Variants in STK33 observed in about 807,000 individuals in gnomAD.
STK33 encodes the protein serine/threonine-protein kinase 33.
Under a neutral mutation model 58.0 loss-of-function variants are expected in STK33, and 52 were observed. That is an observed-to-expected ratio of 0.90 (90% confidence interval 0.72 to 1.13). The LOEUF (loss-of-function observed/expected upper bound fraction) is 1.13. STK33 is among the 50% of genes most tolerant of loss of function. STK33 has a pLI of 0.00. For synonymous variants in STK33, 215 were observed against 200.1 expected (o/e 1.07, Z -0.63); for missense variants, 630 against 604.2 (o/e 1.04, Z -0.45).
the STK33 span, among the ~76,000 whole-genome samples, chr11:8,347,108 T>G: frequency 6.6e-6 from 1 of 152,204 alleles, no homozygotes; most frequent in African/African-American, 2.4e-5. Flanking sequence ...GAATACTCAG[T>G]CTTTCAAAAT....
chr11:8,377,790 C>T, the STK33 span, among the ~76,000 whole-genome samples: 1 of 152,158 alleles, frequency 6.6e-6, no homozygotes, highest in African/African-American at 2.4e-5. Context: ...TCAATGTACA[C>T]AAATCAGTAG....
At chr11:8,576,914 T>C (rs142603559) in intron 1 of STK33, among the ~76,000 whole-genome samples, 1 of 152,164 alleles carries the variant, frequency 6.6e-6, no homozygotes, top group African/African-American at 2.4e-5. Flanking sequence ...AAACCTTGAA[T>C]AAGACATGAA....
At chr11:8,421,895 A>G (rs972365240) in intron 14 of STK33, among the ~76,000 whole-genome samples, 27 of 152,038 alleles carry the variant, frequency 1.8e-4, no homozygotes, top group African/African-American at 6.5e-4. Context: ...TAGAAGTGCA[A>G]TTGACTTTTG....
intron 1 of STK33, among the ~76,000 whole-genome samples, chr11:8,581,893 C>G (rs932678272): frequency 6.6e-6 from 1 of 152,344 alleles, no homozygotes; most frequent in Admixed American, 6.5e-5. Context: ...CATTTTACCT[C>G]TACATCTATT....
chr11:8,452,882 T>C lies in STK33; in HGVS notation c.811A>G (p.Lys271Glu), dbSNP rs1490762298. ...IKVTDFGLAVKKQSRSEAMLQ... is the reference protein window; with the variant it reads ...IKVTDFGLAVEKQSRSEAMLQ... ...ATGGCTTCACTCCTACTTTGCTTCT[T>C]CACCGCTAAGCCAAAATCAGTCACC... is the stretch of plus-strand genomic sequence containing the variant. Residue 271 changes from lysine (K) to glutamate (E), a missense_variant, in exon 11 of 16, where the codon AAG (lysine) becomes GAG (glutamate). Transcript: ENST00000687296. 6.8e-6 allele frequency: 11 copies of C among 1,614,036 alleles called. No homozygotes were observed. The highest frequency in any genetic ancestry group is 1.7e-5 in the Admixed American group (1 of 60,000).
chr11:8,440,922 T>A (rs78253796), intron 11 of STK33, among the ~76,000 whole-genome samples, 169 bp from the exon 12 acceptor site: 1,956 of 152,318 alleles, frequency 0.013, 41 homozygotes, highest in African/African-American at 0.045. Flanking sequence ...TAACAATTGA[T>A]GTCACTGTAA....
chr11:8,429,796 T>C (rs1004540407), intron 14 of STK33, among the ~76,000 whole-genome samples: 1 of 152,152 alleles, frequency 6.6e-6, no homozygotes, highest in African/African-American at 2.4e-5. Context: ...TCCTGACTCT[T>C]GGTTCACCTC....
chr11:8,534,583 T>TGC, intron 1 of STK33, among the ~76,000 whole-genome samples: 1 of 151,526 alleles, frequency 6.6e-6, no homozygotes, highest in East Asian at 1.9e-4. Flanking sequence ...TGTGTGTGTG[T>TGC]GTGTGTGTGT....
In STK33 at chr11:8,396,466, A is replaced by G. The variant is rs571847482; in HGVS notation, c.1345-3756T>C. ...GCATTGTTCAGAAAGCAGAATCCTA[A>G]AAGTTTTTCTAAAAGAATCTGAGAC... On this transcript the variant is annotated intron_variant, in intron 15 of 15. Transcript: ENST00000687296. Among the ~76,000 whole-genome samples the G allele has an allele frequency of 7.2e-5, 11 of 152,326 alleles. No individual in the cohort carries two copies. In the South Asian group the frequency reaches 2.1e-3, roughly 29 times the overall value.
chr11:8,568,663 A>T (rs943157470), intron 1 of STK33, among the ~76,000 whole-genome samples: 1 of 152,200 alleles, frequency 6.6e-6, no homozygotes, highest in Non-Finnish European at 1.5e-5. Flanking sequence ...ATACTTCACT[A>T]AGTACAGTTC....
chr11:8,428,770 G>A (rs991554516), intron 14 of STK33, among the ~76,000 whole-genome samples: 2 of 152,010 alleles, frequency 1.3e-5, no homozygotes, highest in Non-Finnish European at 2.9e-5. Context: ...TAATTGGGAG[G>A]GAAAGCAGCC....
chr11:8,361,509 C>G, the STK33 span, among the ~76,000 whole-genome samples: 2 of 152,014 alleles, frequency 1.3e-5, no homozygotes, highest in African/African-American at 2.4e-5. This position sits in a 1 kb window ranked among gnomAD's most constrained non-coding sequence, Gnocchi z 4.8. Context: ...TTGCCCTCTC[C>G]ACCGCCCCCA....
chr11:8,431,638 T>G (rs921599200), intron 14 of STK33, among the ~76,000 whole-genome samples: 14 of 152,198 alleles, frequency 9.2e-5, no homozygotes, highest in Non-Finnish European at 2.9e-5. Context: ...CTTGCAACAA[T>G]CAATATAGAC....
the STK33 span, among the ~76,000 whole-genome samples, chr11:8,384,769 ACT>A: frequency 6.6e-6 from 1 of 151,754 alleles, no homozygotes; most frequent in Non-Finnish European, 1.5e-5. Context: ...GAGATGACTC[ACT>A]CTCCTTACCC....
the STK33 span, among the ~76,000 whole-genome samples, chr11:8,357,860 T>G: frequency 6.6e-6 from 1 of 152,220 alleles, no homozygotes; most frequent in African/African-American, 2.4e-5. Context: ...ACACCCAGTG[T>G]GTCACCAGAG....
chr11:8,548,384 T>C (rs1170006921), intron 1 of STK33, among the ~76,000 whole-genome samples: 1 of 152,212 alleles, frequency 6.6e-6, no homozygotes, highest in Admixed American at 6.5e-5. Flanking sequence ...ACAGTGTATG[T>C]TTCTGGAGGC....
chr11:8,393,994 A>C (rs1391117532), intron 15 of STK33, among the ~76,000 whole-genome samples: 1 of 152,202 alleles, frequency 6.6e-6, no homozygotes, highest in Non-Finnish European at 1.5e-5. Context: ...AGTATATGCT[A>C]ATTCTTGAGC....
At chr11:8,440,927 C>T (rs1465013266) in intron 11 of STK33, among the ~76,000 whole-genome samples, 174 bp from the exon 12 acceptor site, 1 of 152,192 alleles carries the variant, frequency 6.6e-6, no homozygotes, top group Non-Finnish European at 1.5e-5. Flanking sequence ...ATTGATGTCA[C>T]TGTAACCTCA....
intron 1 of STK33, among the ~76,000 whole-genome samples, chr11:8,488,970 T>G (rs1482068344): frequency 6.6e-6 from 1 of 152,076 alleles, no homozygotes; most frequent in Non-Finnish European, 1.5e-5. Flanking sequence ...TCTAAAGAAC[T>G]AAAAGAGGCT....
Sources: allele counts gnomAD v4.1 joint callset (sites outside exome capture counted in the v4.1 genomes callset), GRCh38; gene constraint gnomAD v4.1.1; non-coding constraint Gnocchi (gnomAD v3.1); transcripts MANE v1.5; gene names NCBI Gene and HGNC (gene_info 2026-07-23, HGNC 2026-07-21).